Variants in RCOR1 observed in about 807,000 individuals in gnomAD.
RCOR1 encodes the protein REST corepressor 1.
Under a neutral mutation model 64.0 loss-of-function variants are expected in RCOR1, and 12 were observed. That is an observed-to-expected ratio of 0.19 (90% confidence interval 0.12 to 0.30). RCOR1 has a LOEUF of 0.30. RCOR1 is among the 10% of genes least tolerant of loss of function. RCOR1 has a pLI of 1.00. For synonymous variants in RCOR1, 279 were observed against 227.2 expected, an observed-to-expected ratio of 1.23 and a Z score of -2.05; for missense variants, 502 against 621.2, an observed-to-expected ratio of 0.81 and a Z score of 2.04.
chr14:102,610,571 T>TTG (rs1163245725), intron 2 of RCOR1, among the ~76,000 whole-genome samples: 51 of 152,090 alleles, frequency 3.4e-4, no homozygotes, highest in South Asian at 2.1e-4. Context: ...ATTATTATTT[T>TTG]TGTGTGTGTG....
At chr14:102,613,669 C>T (rs1226705765) in intron 2 of RCOR1, among the ~76,000 whole-genome samples, 3 of 151,566 alleles carry the variant, frequency 2.0e-5, no homozygotes, top group Non-Finnish European at 2.9e-5. Context: ...ATCCGCCCGC[C>T]TCGGCCTCCC....
intron 2 of RCOR1, among the ~76,000 whole-genome samples, chr14:102,627,933 G>A (rs931984334): frequency 6.8e-6 from 1 of 146,382 alleles, no homozygotes; most frequent in Non-Finnish European, 1.5e-5. Context: ...ATGTATGAAG[G>A]GTTTATATAT....
Position 102,721,391 on chromosome 14 carries a change from C to G in RCOR1, c.1189+14C>G. On this transcript the variant is annotated intron_variant, in intron 10 of 11. Transcript: ENST00000262241. ...TCGCCGTACAAGGTAGGGGGAAGTT[C>G]TTCTAAAGAGTTTAGGAGGCCGGCT... is the stretch of plus-strand genomic sequence containing the variant. 1.2e-6 allele frequency: 2 copies of G among 1,608,610 alleles called. No individual in the cohort carries two copies. The highest frequency in any genetic ancestry group is 1.7e-6 in the Non-Finnish European group (2 of 1,175,164).
Position 102,672,253 on chromosome 14 carries a change from C to T in RCOR1, c.362-9642C>T, listed in dbSNP as rs7150803. On this transcript the variant is annotated intron_variant, in intron 2 of 11. Coordinates refer to ENST00000262241, the MANE Select transcript of RCOR1 (RefSeq NM_015156.4). ...TTTGAGATGGAGTCTCGCTCTGTTG[C>T]CCAGTCTGGAGTGCAGTGGTGCGAT... Among the ~76,000 whole-genome samples, 1,428 of 152,044 alleles carry T rather than the reference C, an allele frequency of 9.4e-3. 24 individuals are homozygous for T. Among genetic ancestry groups the T allele is most frequent in the African/African-American group, 0.033 (1,352 of 41,466 alleles).
chr14:102,701,353 T>G, intron 4 of RCOR1, 23 bp downstream of exon 4: 1 of 1,543,894 alleles, frequency 6.5e-7, no homozygotes, highest in Non-Finnish European at 8.7e-7. Context: ...TTTTCTTTCT[T>G]TTGCTGTTAA....
Position 102,593,083 on chromosome 14 carries a change from A to T in RCOR1, c.197A>T (p.Asn66Ile). 1 of 1,460,482 alleles carries T rather than the reference A, an allele frequency of 6.8e-7. No individual in the cohort carries two copies. Among genetic ancestry groups the T allele is most frequent in the East Asian group, 3.0e-5 (1 of 33,084 alleles). 90.5% of individuals were successfully genotyped at this position (1,460,482 alleles called of 1,614,324 possible). The change falls in exon 1 of 12, where the codon AAT becomes ATT. Residue 66 changes from asparagine (N) to isoleucine (I), a missense_variant. Transcript: ENST00000262241. ...GCCGCCTCAGCCGCCGCCGCCCCCA[A>T]TAATGGCCAGAATAAAAGTTTGGCG... ...AAAASAAAAP[N>I]NGQNKSLAAA...
In RCOR1 at chr14:102,649,863, T is replaced by C. The variant is rs535841785; in HGVS notation, c.362-32032T>C. The C allele has an allele frequency of 7.2e-6, 6 of 837,868 alleles. No individual in the cohort carries two copies. In the African/African-American group the frequency reaches 9.2e-5, roughly 13 times the overall value. 51.9% of individuals were successfully genotyped at this position (837,868 alleles called of 1,614,324 possible). On this transcript the variant is annotated intron_variant, in intron 2 of 11. Transcript: ENST00000262241. ...AAAATGAATTGGTTATCTAACTTGG[T>C]TGTGTATGAAGGCAGTGAAGAAAGG... is the stretch of plus-strand genomic sequence containing the variant.
rs1196335322 is a variant in RCOR1, at chr14:102,592,955, C to T, written c.69C>T (p.Ala23=). 9.3e-6 allele frequency: 11 copies of T among 1,179,044 alleles called. No individual in the cohort carries two copies. In the Admixed American group the frequency reaches 2.1e-4, roughly 22 times the overall value. The allele number at this position is 1,179,044 out of a possible 1,614,324, so 73.0% of individuals were successfully genotyped here. The change falls in exon 1 of 12, where the codon GCC becomes GCT. Residue 23 remains alanine (A), a synonymous_variant. Transcript: ENST00000262241. ...GKRRGRNNAA[A]SASAAAASAA... is the part of the protein sequence containing the mutation. ...GGAGAGGGAGGAACAACGCGGCCGC[C>T]TCCGCCTCCGCCGCCGCCGCCTCCG...
rs1384277679 is a variant in RCOR1, at chr14:102,691,043, A to G, written c.445+9065A>G. On this transcript the variant is annotated intron_variant, in intron 3 of 11. Transcript: ENST00000262241. ...CTTCTTTGTCCCTTACCTTGTGGCT[A>G]TCATTTGTTTACTCAGTAACTTGCA... Among the ~76,000 whole-genome samples the G allele has an allele frequency of 4.6e-5, 7 of 152,176 alleles. No individual in the cohort carries two copies. The East Asian group carries it at 5.8e-4, about 13-fold the overall frequency.
At chr14:102,710,661 AGCAATAGT>A in intron 6 of RCOR1, 1 of 382,810 alleles carries the variant, frequency 2.6e-6, no homozygotes, top group Non-Finnish European at 4.7e-6. Flanking sequence ...ACAGATATAG[AGCAATAGT>A]GTTTTAGATC....
intron 2 of RCOR1, among the ~76,000 whole-genome samples, chr14:102,620,297 G>C (rs370341646): frequency 3.0e-4 from 45 of 152,262 alleles, no homozygotes; most frequent in African/African-American, 1.0e-3. Context: ...GCGGGGTGCG[G>C]TGGCTCACGC....
At chr14:102,642,158 G>A (rs1039850238) in intron 2 of RCOR1, among the ~76,000 whole-genome samples, 2 of 152,058 alleles carry the variant, frequency 1.3e-5, no homozygotes, top group African/African-American at 2.4e-5. Flanking sequence ...CCCCAGCTGC[G>A]TCTGTGTCCA....
intron 11 of RCOR1, among the ~76,000 whole-genome samples, chr14:102,725,988 G>C (rs1396105351): frequency 6.6e-6 from 1 of 152,182 alleles, no homozygotes; most frequent in Admixed American, 6.5e-5. Context: ...ATTGGGGTTT[G>C]AGGCCAAGAC....
At chr14:102,635,596 A>G (rs957922023) in intron 2 of RCOR1, among the ~76,000 whole-genome samples, 2 of 152,200 alleles carry the variant, frequency 1.3e-5, no homozygotes, top group Admixed American at 6.5e-5. Flanking sequence ...TTAAAATTGT[A>G]TGCAATAATG....
intron 11 of RCOR1, among the ~76,000 whole-genome samples, chr14:102,725,444 C>T (rs1342471796): frequency 1.3e-5 from 2 of 152,134 alleles, no homozygotes; most frequent in African/African-American, 2.4e-5. Context: ...ATCCTGGGAT[C>T]GTATGGGCTC....
intron 2 of RCOR1, among the ~76,000 whole-genome samples, chr14:102,680,172 ATT>A (rs541851395): frequency 6.8e-5 from 10 of 147,300 alleles, no homozygotes; most frequent in African/African-American, 2.5e-4. Flanking sequence ...TTGATTTTTG[ATT>A]TTTTTTTTAT....
intron 11 of RCOR1, among the ~76,000 whole-genome samples, chr14:102,723,118 GAA>G (rs1198292779): frequency 5.9e-5 from 9 of 152,350 alleles, no homozygotes; most frequent in African/African-American, 2.2e-4. Flanking sequence ...CTGGGCATAA[GAA>G]AGAGTTACTT....
intron 4 of RCOR1, 77 bp downstream of exon 4, chr14:102,701,407 TG>T: frequency 8.8e-7 from 1 of 1,137,114 alleles, no homozygotes; most frequent in Middle Eastern, 3.0e-4. Flanking sequence ...TTTTCTTCTT[TG>T]TATTGAGTAG....
chr14:102,710,379 T>C (rs1274424088), intron 6 of RCOR1, among the ~76,000 whole-genome samples: 1 of 152,232 alleles, frequency 6.6e-6, no homozygotes, highest in Admixed American at 6.5e-5. Flanking sequence ...TAAAGTGCTA[T>C]ACCAATGTAA....
Sources: allele counts gnomAD v4.1 joint callset (sites outside exome capture counted in the v4.1 genomes callset), GRCh38; gene constraint gnomAD v4.1.1; transcripts MANE v1.5; gene names NCBI Gene and HGNC (gene_info 2026-07-23, HGNC 2026-07-21).